VPS41: variants seen among roughly 807,000 people sequenced by gnomAD.
VPS41 encodes VPS41 subunit of HOPS complex.
VPS41 carries 85 observed loss-of-function variants against 130.9 expected under a neutral mutation model. The ratio of observed to expected loss-of-function variants is 0.65; its 90% CI spans 0.55 to 0.78. The LOEUF is 0.78. VPS41 is among the 30% of genes least tolerant of loss of function. VPS41 has a pLI of 0.00. For synonymous variants in VPS41, 335 were observed against 332.9 expected, an observed-to-expected ratio of 1.01 and a Z score of -0.07; for missense variants, 874 against 1,018.7, an observed-to-expected ratio of 0.86 and a Z score of 1.93.
chr7:38,866,338 G>A (rs1204733859), intron 3 of VPS41, among the ~76,000 whole-genome samples: 1 of 152,196 alleles, frequency 6.6e-6, no homozygotes, highest in Non-Finnish European at 1.5e-5. Flanking sequence ...TGGCAGATGG[G>A]TTTAAAGTAG....
intron 25 of VPS41, among the ~76,000 whole-genome samples, chr7:38,730,071 CAT>C (rs1349868637): frequency 1.3e-5 from 2 of 152,168 alleles, no homozygotes; most frequent in South Asian, 2.1e-4. Flanking sequence ...TGCAGTTACA[CAT>C]GTCACATCAT....
chr7:38,817,480 C>T (rs1279973882), intron 7 of VPS41, among the ~76,000 whole-genome samples: 2 of 152,004 alleles, frequency 1.3e-5, no homozygotes, highest in South Asian at 2.1e-4. Context: ...TAGCCAGGCA[C>T]GATAGTGGGC....
chr7:38,786,194 C>T (rs1385410713), intron 10 of VPS41, among the ~76,000 whole-genome samples: 2 of 152,178 alleles, frequency 1.3e-5, no homozygotes, highest in African/African-American at 4.8e-5. Flanking sequence ...CGGCTAGGCA[C>T]ACCTAAGTGC....
At chr7:38,896,598 C>T (rs1786999543) in intron 2 of VPS41, among the ~76,000 whole-genome samples, 1 of 152,142 alleles carries the variant, frequency 6.6e-6, no homozygotes, top group Admixed American at 6.5e-5. Flanking sequence ...TTATGTGTGG[C>T]CCAAGACAAT....
Position 38,809,802 on chromosome 7 carries a change from C to T in VPS41, c.450+8015G>A, listed in dbSNP as rs35959495. The stretch of plus-strand genomic sequence containing the variant: ...ATGAACTCCACTGCAAACAGCATCG[C>T]GACAATTTAATGATTTGTCAAAGTA... On this transcript the variant is annotated intron_variant, in intron 7 of 28. Coordinates refer to ENST00000310301, the MANE Select transcript of VPS41 (RefSeq NM_014396.4). Among the ~76,000 whole-genome samples the T allele has an allele frequency of 4.8e-3, 737 of 152,088 alleles. 5 individuals carry two copies. The highest frequency in any genetic ancestry group is 0.012 in the African/African-American group (478 of 41,484).
chr7:38,741,819 T>C (rs1795886302), intron 25 of VPS41, among the ~76,000 whole-genome samples, 166 bp downstream of exon 25: 1 of 152,246 alleles, frequency 6.6e-6, no homozygotes, highest in African/African-American at 2.4e-5. Flanking sequence ...AAAGGTGATG[T>C]TTCTAATTAC....
chr7:38,796,048 C>G (rs1288608102), intron 8 of VPS41, among the ~76,000 whole-genome samples: 1 of 152,126 alleles, frequency 6.6e-6, no homozygotes, highest in Non-Finnish European at 1.5e-5. Context: ...ATCAGGCAAG[C>G]AGCTAACTAA....
Position 38,869,180 on chromosome 7 carries a change from T to C in VPS41, c.134A>G (p.Lys45Arg). 6.2e-7 allele frequency: 1 copy of C among 1,611,360 alleles called. No homozygotes were observed. Among genetic ancestry groups the C allele is most frequent in the African/African-American group, 1.3e-5 (1 of 75,014 alleles). The change falls in exon 3 of 29, where the codon AAG (lysine) becomes AGG (arginine). Residue 45 changes from lysine (K) to arginine (R), a missense_variant. By Grantham distance (26) the Lys-to-Arg change is conservative. Transcript: ENST00000310301. ...GACTGTCATGCAGCTAGCTGCATCC[T>C]TCTGAAGTATTTCAGTTACCCCATT... ...LSNGVTEILQ[K>R]DAASCMTVHD...
At chr7:38,829,991 T>C (rs1382157101) in intron 5 of VPS41, among the ~76,000 whole-genome samples, 1 of 152,250 alleles carries the variant, frequency 6.6e-6, no homozygotes, top group Non-Finnish European at 1.5e-5. Context: ...ACGGTAGTAA[T>C]GATTAAGGTG....
intron 4 of VPS41, chr7:38,831,305 T>C (rs1785383259): frequency 2.1e-6 from 1 of 465,962 alleles, no homozygotes; most frequent in Admixed American, 2.4e-5. Flanking sequence ...CTGTCCAATA[T>C]GGTACTGTCC....
chr7:38,791,839 A>G (rs1304088692), intron 9 of VPS41, among the ~76,000 whole-genome samples: 1 of 152,158 alleles, frequency 6.6e-6, no homozygotes, highest in African/African-American at 2.4e-5. Context: ...ACTGTTTAGG[A>G]TAGGTTTAGG....
intron 1 of VPS41, 140 bp downstream of exon 1, chr7:38,909,014 A>T (rs1562633262): frequency 9.9e-7 from 1 of 1,009,184 alleles, no homozygotes; most frequent in Admixed American, 1.8e-5. Context: ...AACTTTCGCC[A>T]TCCCACCCCG....
intron 11 of VPS41, chr7:38,775,074 C>T (rs1290175284): frequency 6.6e-6 from 1 of 151,834 alleles, no homozygotes; most frequent in Non-Finnish European, 1.5e-5. Context: ...AAAGGTATCA[C>T]GTGGATATCT....
chr7:38,756,873 C>T lies in VPS41; in HGVS notation c.1660G>A (p.Asp554Asn). 1 of 1,590,212 alleles carries T rather than the reference C, an allele frequency of 6.3e-7. No homozygotes were observed. The highest frequency in any genetic ancestry group is 8.6e-7 in the Non-Finnish European group (1 of 1,163,852). ...HKHNLFSSIK[D>N]KIVLLMDFDS... ...AAATCCATTAATAAAACAATTTTAT[C>T]CTTGATAGAACTGAAAAGATTATGC... Residue 554 changes from aspartate (D) to asparagine (N), a missense_variant, in exon 19 of 29, where the codon GAT (aspartate) becomes AAT (asparagine). By Grantham distance (23) the Asp-to-Asn change is conservative. Transcript: ENST00000310301.
At chr7:38,800,377 T>C (rs1784701961) in intron 7 of VPS41, among the ~76,000 whole-genome samples, 1 of 152,198 alleles carries the variant, frequency 6.6e-6, no homozygotes, top group South Asian at 2.1e-4. Context: ...ATTCGATAAA[T>C]GCGTGCTGAA....
chr7:38,741,425 C>T (rs941366617), intron 25 of VPS41: 1 of 241,498 alleles, frequency 4.1e-6, no homozygotes, highest in Non-Finnish European at 8.7e-6. Flanking sequence ...TAATGAGTTC[C>T]ACTGTTCTTA....
intron 4 of VPS41, among the ~76,000 whole-genome samples, chr7:38,854,851 G>GGAA (rs397783675): frequency 2.0e-4 from 2 of 10,114 alleles, no homozygotes; most frequent in Non-Finnish European, 3.0e-4. Flanking sequence ...AAGAAGTGGA[G>GGAA]AAAAAAAAAA....
chr7:38,846,774 T>C (rs144361456), intron 4 of VPS41, among the ~76,000 whole-genome samples: 4 of 152,030 alleles, frequency 2.6e-5, no homozygotes, highest in Non-Finnish European at 5.9e-5. Context: ...ATGATGGCAA[T>C]ATAAAGAACC....
chr7:38,741,215 A>G (rs1795872911), intron 25 of VPS41: 1 of 234,674 alleles, frequency 4.3e-6, no homozygotes, highest in African/African-American at 2.4e-5. Context: ...AATTGTTTCT[A>G]GGAAAGTAAT....
Sources: allele counts gnomAD v4.1 joint callset (sites outside exome capture counted in the v4.1 genomes callset), GRCh38; gene constraint gnomAD v4.1.1; transcripts MANE v1.5; gene names NCBI Gene and HGNC (gene_info 2026-07-23, HGNC 2026-07-21).